MDGA2: variants seen among roughly 807,000 people sequenced by gnomAD.
MDGA2 encodes the protein MAM domain containing glycosylphosphatidylinositol anchor 2.
MDGA2 carries 40 observed loss-of-function variants against 117.8 expected under a neutral mutation model. The observed-to-expected ratio is 0.34, with a 90% confidence interval of 0.26 to 0.44. The LOEUF (loss-of-function observed/expected upper bound fraction) is 0.44, where lower values mean the gene tolerates loss of function less well. Ranked by LOEUF, MDGA2 falls within the 20% of genes least tolerant of loss-of-function variation. The pLI is 1.00. For synonymous variants in MDGA2, 452 were observed against 439.0 expected, an observed-to-expected ratio of 1.03 and a Z score of -0.37; for missense variants, 1,123 against 1,250.6, an observed-to-expected ratio of 0.90 and a Z score of 1.54.
At chr14:46,930,738 C>A (rs1304685388) in intron 9 of MDGA2, among the ~76,000 whole-genome samples, 1 of 152,104 alleles carries the variant, frequency 6.6e-6, no homozygotes, top group Admixed American at 6.6e-5. Flanking sequence ...AAATACAATA[C>A]CTCCATGAAA....
intron 2 of MDGA2, among the ~76,000 whole-genome samples, chr14:47,246,087 C>A (rs1887228987): frequency 6.6e-6 from 1 of 151,888 alleles, no homozygotes; most frequent in Admixed American, 6.6e-5. Context: ...CTACACTATG[C>A]TGCCCTATGC....
intron 3 of MDGA2, among the ~76,000 whole-genome samples, chr14:47,215,905 G>T (rs1310800203): frequency 6.6e-6 from 1 of 152,114 alleles, no homozygotes. Context: ...TCAAGTCGAG[G>T]TTGCATGAGA....
intron 14 of MDGA2, among the ~76,000 whole-genome samples, chr14:46,869,351 CTTTT>C (rs35619816): frequency 2.4e-4 from 28 of 119,102 alleles, no homozygotes; most frequent in African/African-American, 6.0e-4. Flanking sequence ...CTATGAGATT[CTTTT>C]TTTTTTTTTT....
At chr14:47,640,044 C>T (rs1022535900) in intron 1 of MDGA2, among the ~76,000 whole-genome samples, 4 of 152,146 alleles carry the variant, frequency 2.6e-5, no homozygotes, top group Non-Finnish European at 5.9e-5. Context: ...TAACATCTTG[C>T]CTTTGTTTCC....
chr14:47,387,273 C>G (rs1260914429), intron 1 of MDGA2, among the ~76,000 whole-genome samples: 1 of 152,124 alleles, frequency 6.6e-6, no homozygotes, highest in African/African-American at 2.4e-5. Flanking sequence ...CCAAGACAAA[C>G]AGTAAAGTGG....
In MDGA2 at chr14:46,957,517, T is replaced by C. The variant is rs747908143; in HGVS notation, c.1946A>G (p.Asn649Ser). Residue 649 changes from asparagine (N) to serine (S), a missense_variant, in exon 9 of 17, where the codon AAT (asparagine) becomes AGT (serine). This residue lies in a region of MDGA2 where 890 missense variants were observed against 1,050.3 expected (regional missense o/e 0.85). Coordinates refer to ENST00000399232, the MANE Select transcript of MDGA2 (RefSeq NM_001113498.3). ...AAATTGACCCGTCCGTAATAATTTA[T>C]TGCCCAAGCGCCACTCATAGGTCAG... ...RVLTYEWRLGNKLLRTGQFDS... is the reference protein window; with the variant it reads ...RVLTYEWRLGSKLLRTGQFDS... The C allele has an allele frequency of 1.2e-6, 2 of 1,614,184 alleles. No homozygotes were observed. Among genetic ancestry groups the C allele is most frequent in the Non-Finnish European group, 8.5e-7 (1 of 1,180,018 alleles).
At position 46,889,144 on chromosome 14, in the gene MDGA2, T is replaced by A. The variant is rs541352812; in HGVS notation, c.2239-6923A>T. 2.6e-5 allele frequency among the ~76,000 whole-genome samples: 4 copies of A among 152,192 alleles called. No homozygotes were observed. The South Asian group carries it at 8.3e-4, about 31-fold the overall frequency. On this transcript the variant is annotated intron_variant, in intron 10 of 16. Coordinates refer to ENST00000399232, the MANE Select transcript of MDGA2 (RefSeq NM_001113498.3). ...TAGGGAAAGGAGATAATAACTAACATGGCGTTAAATGAGTCTTATTTTTAT... is the reference window on the plus strand; with the variant it reads ...TAGGGAAAGGAGATAATAACTAACAAGGCGTTAAATGAGTCTTATTTTTAT...
intron 7 of MDGA2, chr14:47,058,482 A>C (rs1889763532): frequency 4.1e-6 from 4 of 971,182 alleles, no homozygotes; most frequent in Non-Finnish European, 4.9e-6. Context: ...GAATTTCCTC[A>C]GTATCCTCCA....
intron 3 of MDGA2, among the ~76,000 whole-genome samples, chr14:47,184,187 T>C (rs1378570082): frequency 6.6e-6 from 1 of 152,034 alleles, no homozygotes; most frequent in East Asian, 1.9e-4. Flanking sequence ...TTAAACTTCA[T>C]GCTGTTTTCA....
intron 2 of MDGA2, among the ~76,000 whole-genome samples, chr14:47,298,937 T>C (rs535427095): frequency 9.2e-5 from 14 of 152,090 alleles, no homozygotes; most frequent in African/African-American, 2.9e-4. Context: ...CCGCCCGCCT[T>C]GGCCTCCTAA....
At chr14:47,603,196 C>T (rs935250094) in intron 1 of MDGA2, among the ~76,000 whole-genome samples, 15 of 152,126 alleles carry the variant, frequency 9.9e-5, no homozygotes, top group Admixed American at 2.6e-4. Flanking sequence ...TTACTTTTTC[C>T]ACCTTCAAAG....
chr14:47,601,522 C>A (rs954630037), intron 1 of MDGA2, among the ~76,000 whole-genome samples: 3 of 152,082 alleles, frequency 2.0e-5, no homozygotes, highest in African/African-American at 7.2e-5. Context: ...AAGCTATTTT[C>A]TGTTACTAGT....
intron 5 of MDGA2, among the ~76,000 whole-genome samples, chr14:47,115,335 C>T (rs1438131257): frequency 2.0e-5 from 3 of 151,928 alleles, no homozygotes; most frequent in African/African-American, 7.2e-5. Flanking sequence ...GATTGCTGCT[C>T]TACCCTTTAA....
chr14:47,514,894 C>T (rs1016915170), intron 1 of MDGA2, among the ~76,000 whole-genome samples: 18 of 152,122 alleles, frequency 1.2e-4, no homozygotes, highest in Non-Finnish European at 2.6e-4. Flanking sequence ...CTTATGCCAG[C>T]AGGGGACCAG....
At position 47,117,333 on chromosome 14, in the gene MDGA2, T is replaced by A. The variant is rs115358282; in HGVS notation, c.925+14381A>T. ...GGTGCAGCTGCAATGGAAAACGATA[T>A]AGAGGTTCCTCAAAATATTAAAACT... is the stretch of plus-strand genomic sequence containing the variant. On this transcript the variant is annotated intron_variant, in intron 5 of 16. Coordinates refer to ENST00000399232, the MANE Select transcript of MDGA2 (RefSeq NM_001113498.3). Among the ~76,000 whole-genome samples, 676 of 152,222 alleles carry A rather than the reference T, an allele frequency of 4.4e-3. 6 individuals are homozygous for A. Among genetic ancestry groups the A allele is most frequent in the African/African-American group, 0.015 (625 of 41,552 alleles).
chr14:47,294,418 AT>A (rs900151520), intron 2 of MDGA2, among the ~76,000 whole-genome samples: 1 of 152,136 alleles, frequency 6.6e-6, no homozygotes, highest in African/African-American at 2.4e-5. Flanking sequence ...TTTTTTAAAA[AT>A]AAATGTTTGG....
chr14:47,132,791 A>G (rs1244377843), intron 4 of MDGA2, among the ~76,000 whole-genome samples: 1 of 151,924 alleles, frequency 6.6e-6, no homozygotes, highest in East Asian at 1.9e-4. Context: ...TAAAAATTCA[A>G]AATGTTTATT....
At chr14:47,433,079 C>A (rs1280615506) in intron 1 of MDGA2, among the ~76,000 whole-genome samples, 1 of 151,840 alleles carries the variant, frequency 6.6e-6, no homozygotes, top group Non-Finnish European at 1.5e-5. Flanking sequence ...GATATAACTG[C>A]CTTTTTAAAA....
At chr14:47,286,687 A>G (rs1229904815) in intron 2 of MDGA2, among the ~76,000 whole-genome samples, 1 of 151,626 alleles carries the variant, frequency 6.6e-6, no homozygotes, top group Non-Finnish European at 1.5e-5. Flanking sequence ...TGGTGCTGCA[A>G]TAGATCCCAT....
Sources: gnomAD v4.1 joint callset for allele counts (sites outside exome capture counted in the v4.1 genomes callset) on GRCh38, gnomAD v4.1.1 for gene constraint, gnomAD v4.1.1 regional missense constraint, MANE v1.5 for transcripts, NCBI Gene and HGNC (gene_info 2026-07-23, HGNC 2026-07-21) for gene names.